The following FOXP1 variants were observed in gnomAD, a reference collection of about 807,000 sequenced individuals.
The protein encoded by FOXP1 is forkhead box P1, also known as forkhead box protein P1.
FOXP1 carries 15 observed loss-of-function variants against 98.2 expected under a neutral mutation model. The ratio of observed to expected loss-of-function variants is 0.15; its 90% confidence interval spans 0.10 to 0.24. FOXP1 has a LOEUF of 0.24. Among genes scored for constraint, FOXP1 ranks in the 10% least tolerant of loss-of-function variants. The pLI, the probability that FOXP1 is intolerant of heterozygous loss-of-function variation, is 1.00. For missense variants in FOXP1, 633 were observed against 848.5 expected, an observed-to-expected ratio of 0.75 and a Z score of 3.15; for synonymous variants, 371 against 314.5, an observed-to-expected ratio of 1.18 and a Z score of -1.90.
intron 2 of FOXP1, among the ~76,000 whole-genome samples, chr3:71,538,842 G>C (rs756038949): frequency 2.0e-5 from 3 of 152,088 alleles, no homozygotes; most frequent in African/African-American, 7.2e-5. Flanking sequence ...TCGGGTCTTC[G>C]ATGTGTATGT....
In FOXP1 at chr3:70,955,370, A is replaced by G. The variant is rs899473152; in HGVS notation, c.*3877T>C. 1 of 232,856 alleles carries G rather than the reference A, an allele frequency of 4.3e-6. No homozygotes were observed. Among genetic ancestry groups the G allele is most frequent in the African/African-American group, 2.2e-5 (1 of 45,308 alleles). 14.4% of individuals were successfully genotyped at this position (232,856 alleles called of 1,614,324 possible). A position where few individuals can be genotyped will look rare whatever the true frequency, so the allele number is the denominator to read the frequency against. On this transcript the variant is annotated 3_prime_UTR_variant, in exon 21 of 21. Transcript: ENST00000649528. ...TGGTGGTAACTCTTCACGTATGTACATAAGCCTTGATATTCCATTTTGTGG... is the reference window on the plus strand; with the variant it reads ...TGGTGGTAACTCTTCACGTATGTACGTAAGCCTTGATATTCCATTTTGTGG...
Position 70,958,330 on chromosome 3 carries a change from C to G in FOXP1, c.*917G>C, listed in dbSNP as rs1306873853. 3 of 528,340 alleles carry G rather than the reference C, an allele frequency of 5.7e-6. No individual in the cohort carries two copies. The highest frequency in any genetic ancestry group is 3.9e-5 in the East Asian group (1 of 25,398). The allele number at this position is 528,340 out of a possible 1,614,324, so 32.7% of individuals were successfully genotyped here. A position where few individuals can be genotyped will look rare whatever the true frequency, so the allele number is the denominator to read the frequency against. Reference sequence around the variant, plus strand: ...GTCTCTCTTTTTTTTTTCTGTCATTCATTCTCTTTCTGGCAGGACGTCACG... The same window carrying G: ...GTCTCTCTTTTTTTTTTCTGTCATTGATTCTCTTTCTGGCAGGACGTCACG... On this transcript the variant is annotated 3_prime_UTR_variant, in exon 21 of 21. Transcript: ENST00000649528.
At chr3:71,297,094 T>C (rs2073375208) in intron 5 of FOXP1, among the ~76,000 whole-genome samples, 1 of 152,054 alleles carries the variant, frequency 6.6e-6, no homozygotes, top group Admixed American at 6.5e-5. Context: ...ACAATGTATA[T>C]AGAACAAAAA....
Position 71,144,429 on chromosome 3 carries a change from G to A in FOXP1, c.181-31792C>T, listed in dbSNP as rs1274762387. The stretch of plus-strand genomic sequence containing the variant: ...CAGGAGCAAGAAATGTCCAAGACTG[G>A]GTGTTGTTCAGAGGTCCCAGTGCGT... On this transcript the variant is annotated intron_variant, in intron 6 of 20. Transcript: ENST00000649528. Among the ~76,000 whole-genome samples, 10 of 152,152 alleles carry A rather than the reference G, an allele frequency of 6.6e-5. No homozygotes were observed. The South Asian group carries it at 8.3e-4, about 13-fold the overall frequency.
chr3:71,353,150 G>C (rs2077910975), intron 4 of FOXP1, among the ~76,000 whole-genome samples: 2 of 152,140 alleles, frequency 1.3e-5, no homozygotes, highest in South Asian at 4.1e-4. Context: ...GGCACTGAGA[G>C]ACTGCTGAAC....
At chr3:71,518,499 C>G (rs1191398487) in intron 2 of FOXP1, among the ~76,000 whole-genome samples, 1 of 152,164 alleles carries the variant, frequency 6.6e-6, no homozygotes, top group Admixed American at 6.5e-5. Flanking sequence ...TTTTCTCCCT[C>G]TTTTGTGAAC....
At chr3:71,336,578 C>A (rs6789892) in intron 4 of FOXP1, among the ~76,000 whole-genome samples, 64,000 of 151,992 alleles carry the variant, frequency 0.42, 14,641 homozygotes, top group East Asian at 0.73. Context: ...GGAAAGAATT[C>A]GACATTTATC....
chr3:70,968,019 T>C (rs560104417), intron 19 of FOXP1, among the ~76,000 whole-genome samples: 1 of 152,288 alleles, frequency 6.6e-6, no homozygotes, highest in South Asian at 2.1e-4. Context: ...AAGGCAACTT[T>C]CTTGGGATGA....
intron 11 of FOXP1, among the ~76,000 whole-genome samples, chr3:71,033,222 C>T (rs1240329517): frequency 6.6e-6 from 1 of 152,072 alleles, no homozygotes; most frequent in Non-Finnish European, 1.5e-5. Flanking sequence ...CCTGTATCAG[C>T]GGCAGCGGCG....
intron 3 of FOXP1, among the ~76,000 whole-genome samples, chr3:71,484,582 A>G (rs2090518864): frequency 6.6e-6 from 1 of 152,186 alleles, no homozygotes; most frequent in Admixed American, 6.5e-5. Context: ...TTCACAGCCA[A>G]TAGTGTGGAT....
intron 3 of FOXP1, among the ~76,000 whole-genome samples, chr3:71,392,468 T>C (rs1033905601): frequency 6.6e-6 from 1 of 152,238 alleles, no homozygotes; most frequent in Non-Finnish European, 1.5e-5. Flanking sequence ...AGTGGTAAAC[T>C]TAAGTCAAGC....
intron 6 of FOXP1, among the ~76,000 whole-genome samples, chr3:71,196,343 T>C (rs2063298806): frequency 1.3e-5 from 2 of 152,210 alleles, no homozygotes; most frequent in African/African-American, 4.8e-5. Context: ...TTTTATTCTA[T>C]GTAGCCAATT....
At chr3:70,966,136 A>ATC (rs1401704869) in intron 19 of FOXP1, 80 bp from the exon 20 acceptor site, 2 of 1,199,022 alleles carry the variant, frequency 1.7e-6, no homozygotes, top group South Asian at 2.5e-5. Context: ...TGTACTCGAT[A>ATC]ATCTTCAGTT....
rs1362587455 is a variant in FOXP1 at position 71,479,902 on chromosome 3, TAAAAAC to T, written c.-168+13518_-168+13523del. On this transcript the variant is annotated intron_variant, in intron 3 of 20. Transcript: ENST00000649528. ...TGCTTTCATCATCTGGAAATAGAAA[TAAAAAC>T]AGAAACAGGCTGGGTACGGTGGCTC... Among the ~76,000 whole-genome samples, 6 of 151,590 alleles carry T rather than the reference TAAAAAC, an allele frequency of 4.0e-5. No individual in the cohort carries two copies. In the South Asian group the frequency reaches 1.3e-3, roughly 32 times the overall value.
At chr3:71,488,036 T>C (rs1167575691) in intron 3 of FOXP1, among the ~76,000 whole-genome samples, 1 of 152,224 alleles carries the variant, frequency 6.6e-6, no homozygotes, top group Non-Finnish European at 1.5e-5. Flanking sequence ...CAGAAAGGGT[T>C]CTTTCTTTGA....
intron 6 of FOXP1, among the ~76,000 whole-genome samples, chr3:71,127,658 C>A (rs933106303): frequency 6.6e-6 from 1 of 152,200 alleles, no homozygotes; most frequent in Non-Finnish European, 1.5e-5. Flanking sequence ...TAGATCACAG[C>A]GCTTCCAGGT....
intron 3 of FOXP1, among the ~76,000 whole-genome samples, chr3:71,490,226 G>A (rs1006535180): frequency 1.3e-5 from 2 of 152,184 alleles, no homozygotes; most frequent in African/African-American, 4.8e-5. Flanking sequence ...GCCAGGCACA[G>A]TGCCTCACAC....
rs2038345149 is a variant in FOXP1, at chr3:70,979,317, A to AGG, written c.1147-1289_1147-1288insCC. Among the ~76,000 whole-genome samples, 4 of 142,508 alleles carry AGG rather than the reference A, an allele frequency of 2.8e-5. No homozygotes were observed. The South Asian group carries it at 7.0e-4, about 25-fold the overall frequency. The allele number at this position is 142,508 out of a possible 152,430, so 93.5% of individuals were successfully genotyped here. A position where few individuals can be genotyped will look rare whatever the true frequency, so the allele number is the denominator to read the frequency against. On this transcript the variant is annotated intron_variant, in intron 14 of 20. Transcript: ENST00000649528. ...AAAAAAAAAAAAAAAAAAAAAAAAA[A>AGG]AAAGAAAAAAATAAATTAATGAGCA...
chr3:71,264,783 C>T (rs2069483965), intron 5 of FOXP1, among the ~76,000 whole-genome samples: 1 of 152,168 alleles, frequency 6.6e-6, no homozygotes, highest in Non-Finnish European at 1.5e-5. Context: ...GTACTCCCAT[C>T]AATATGAAAA....
Sources: gnomAD v4.1 joint callset for allele counts (sites outside exome capture counted in the v4.1 genomes callset) on GRCh38, gnomAD v4.1.1 for gene constraint, MANE v1.5 for transcripts, NCBI Gene and HGNC (gene_info 2026-07-23, HGNC 2026-07-21) for gene names.